Variants in GPATCH8 observed in about 807,000 individuals in gnomAD.
GPATCH8 encodes G-patch domain containing 8.
GPATCH8 carries 18 observed loss-of-function variants against 118.3 expected under a neutral mutation model. The ratio of observed to expected loss-of-function variants is 0.15; its 90% CI spans 0.11 to 0.23. The LOEUF is 0.23. GPATCH8 is among the 10% of genes least tolerant of loss of function. The pLI is 1.00. For missense variants in GPATCH8, 1,631 were observed against 1,873.8 expected (o/e 0.87, Z 2.39); for synonymous variants, 659 against 684.7 (o/e 0.96, Z 0.59).
intron 1 of GPATCH8, among the ~76,000 whole-genome samples, chr17:44,501,617 C>T (rs1252569522): frequency 6.6e-6 from 1 of 152,030 alleles, no homozygotes; most frequent in Non-Finnish European, 1.5e-5. Context: ...ACAGGCTAAC[C>T]CCCTGAATGT....
intron 3 of GPATCH8, among the ~76,000 whole-genome samples, chr17:44,464,160 T>C (rs372797398): frequency 2.6e-5 from 4 of 152,260 alleles, no homozygotes; most frequent in South Asian, 4.1e-4. Context: ...CTCTGATATT[T>C]TGCATTCCTT....
intron 2 of GPATCH8, among the ~76,000 whole-genome samples, chr17:44,472,415 G>T (rs1048363092): frequency 1.3e-5 from 2 of 152,126 alleles, no homozygotes; most frequent in African/African-American, 4.8e-5. Flanking sequence ...TGTGCCATAG[G>T]AATGAAATTT....
intron 1 of GPATCH8, 48 bp from the exon 2 acceptor site, chr17:44,474,951 AATCT>A (rs1967620936): frequency 2.2e-6 from 2 of 902,062 alleles, no homozygotes; most frequent in Non-Finnish European, 3.7e-6. Context: ...TTAAGTGTCA[AATCT>A]ATTAACAGCT....
chr17:44,471,274 A>G (rs1319911956), intron 2 of GPATCH8, among the ~76,000 whole-genome samples: 2 of 152,218 alleles, frequency 1.3e-5, no homozygotes, highest in Non-Finnish European at 2.9e-5. Context: ...TTGAAATACC[A>G]ATATCTCACT....
At chr17:44,483,231 A>T (rs1292346584) in intron 1 of GPATCH8, among the ~76,000 whole-genome samples, 1 of 103,402 alleles carries the variant, frequency 9.7e-6, no homozygotes, top group South Asian at 4.1e-4. Context: ...CCTACCTCTC[A>T]TATCTCTTAG....
chr17:44,430,107 A>C (rs2050252368), intron 5 of GPATCH8, among the ~76,000 whole-genome samples: 1 of 142,320 alleles, frequency 7.0e-6, no homozygotes, highest in Non-Finnish European at 1.5e-5. Context: ...AAAACTAAGC[A>C]ATACATATTT....
At chr17:44,419,213 T>C (rs1298636671) in intron 6 of GPATCH8, among the ~76,000 whole-genome samples, 2 of 152,212 alleles carry the variant, frequency 1.3e-5, no homozygotes, top group African/African-American at 4.8e-5. Context: ...AAAATATTAA[T>C]GGTGAAAATC....
chr17:44,491,470 G>C (rs35273170), intron 1 of GPATCH8, among the ~76,000 whole-genome samples: 2,606 of 139,288 alleles, frequency 0.019, 84 homozygotes, highest in African/African-American at 0.068. Context: ...CCTGGTGACA[G>C]AGCGAGACTC....
chr17:44,475,924 G>A lies in GPATCH8; in HGVS notation c.46-1021C>T, dbSNP rs992824996. ...TGAGCCTGTAGTCCCAGCTACTTAG[G>A]GGGCTGTGATGGGAGGATCACTTAG... On this transcript the variant is annotated intron_variant, in intron 1 of 7. Coordinates refer to ENST00000591680, the MANE Select transcript of GPATCH8 (RefSeq NM_001002909.4). Among the ~76,000 whole-genome samples, 166 of 152,148 alleles carry A rather than the reference G, an allele frequency of 1.1e-3. 1 individual carries two copies. The highest frequency in any genetic ancestry group is 3.8e-3 in the African/African-American group (156 of 41,512).
At chr17:44,453,500 GGTGTGTGTGTGTGT>G (rs56962134) in intron 3 of GPATCH8, among the ~76,000 whole-genome samples, 1 of 142,702 alleles carries the variant, frequency 7.0e-6, no homozygotes, top group South Asian at 2.2e-4. Flanking sequence ...GGTAGGTAGG[GGTGTGTGTGTGTGT>G]GTGTGTGTGT....
rs145685699 is a variant in GPATCH8, at chr17:44,415,649, A to C, written c.492+8700T>G. Reference sequence around the variant, plus strand: ...CTGGGTCCAAAGCAAATGGCACAACAACAACCCAGTTCAGAGCTCTTTACA... The same window carrying C: ...CTGGGTCCAAAGCAAATGGCACAACCACAACCCAGTTCAGAGCTCTTTACA... On this transcript the variant is annotated intron_variant, in intron 6 of 7. Transcript: ENST00000591680. Among the ~76,000 whole-genome samples the C allele has an allele frequency of 8.8e-3, 1,333 of 152,320 alleles. 7 individuals are homozygous for C. Among genetic ancestry groups the C allele is most frequent in the Non-Finnish European group, 0.014 (964 of 68,020 alleles).
At chr17:44,461,479 C>T (rs1172070502) in intron 3 of GPATCH8, among the ~76,000 whole-genome samples, 2 of 151,948 alleles carry the variant, frequency 1.3e-5, no homozygotes, top group Non-Finnish European at 2.9e-5. Context: ...CCACTGCACC[C>T]GGCTATGTTA....
intron 5 of GPATCH8, among the ~76,000 whole-genome samples, chr17:44,426,814 C>T (rs2050104056): frequency 6.7e-6 from 1 of 150,326 alleles, no homozygotes; most frequent in African/African-American, 2.5e-5. Context: ...GAAGATCAGG[C>T]CAGCCTTTGA....
chr17:44,451,809 G>C (rs1348830838), intron 3 of GPATCH8, among the ~76,000 whole-genome samples: 1 of 152,064 alleles, frequency 6.6e-6, no homozygotes, highest in Non-Finnish European at 1.5e-5. Context: ...ACTTTTTCTG[G>C]CCTGAATAAC....
intron 1 of GPATCH8, among the ~76,000 whole-genome samples, chr17:44,499,968 C>A (rs1969939307): frequency 6.6e-6 from 1 of 151,162 alleles, no homozygotes; most frequent in South Asian, 2.1e-4. Flanking sequence ...ACAATATATC[C>A]TCTATGACAC....
At chr17:44,501,022 G>A (rs530058019) in intron 1 of GPATCH8, among the ~76,000 whole-genome samples, 2 of 152,198 alleles carry the variant, frequency 1.3e-5, no homozygotes, top group African/African-American at 2.4e-5. Flanking sequence ...CTTTAGAAAT[G>A]TTAACATAAT....
chr17:44,418,418 C>T (rs762827022), intron 6 of GPATCH8, among the ~76,000 whole-genome samples: 2 of 150,634 alleles, frequency 1.3e-5, no homozygotes, highest in Non-Finnish European at 2.9e-5. Flanking sequence ...GTAACTTACA[C>T]TAAGCCAACA....
intron 2 of GPATCH8, among the ~76,000 whole-genome samples, chr17:44,473,093 T>C (rs1967431873): frequency 6.6e-6 from 1 of 151,896 alleles, no homozygotes; most frequent in African/African-American, 2.4e-5. Context: ...TTCTGCCTTG[T>C]CATAATCCCC....
At position 44,417,913 on chromosome 17, in the gene GPATCH8, C is replaced by T. The variant is rs144895108; in HGVS notation, c.492+6436G>A. 1.2e-4 allele frequency among the ~76,000 whole-genome samples: 19 copies of T among 152,148 alleles called. No homozygotes were observed. The East Asian group carries it at 3.7e-3, about 29-fold the overall frequency. On this transcript the variant is annotated intron_variant, in intron 6 of 7. Coordinates refer to ENST00000591680, the MANE Select transcript of GPATCH8 (RefSeq NM_001002909.4). ...TTTAATTTTTCAAGATAAGCCAAAG[C>T]CTAAATTATGTAAAATTGAATTTTT...
Sources: gnomAD v4.1 joint callset for allele counts (sites outside exome capture counted in the v4.1 genomes callset) on GRCh38, gnomAD v4.1.1 for gene constraint, MANE v1.5 for transcripts, NCBI Gene and HGNC (gene_info 2026-07-23, HGNC 2026-07-21) for gene names.